PHF24: variants seen among roughly 807,000 people sequenced by gnomAD.
PHF24 encodes the protein Galpha inhibitory interacting protein.
PHF24 carries 25 observed loss-of-function variants against 42.6 expected under a neutral mutation model. The ratio of observed to expected loss-of-function variants is 0.59; its 90% CI spans 0.43 to 0.82. PHF24 has a LOEUF of 0.82. Ranked by LOEUF, PHF24 falls within the 40% of genes least tolerant of loss-of-function variation. The probability of loss-of-function intolerance (pLI) is 0.00; values close to 1 mark genes in which losing one functional copy is unlikely to be tolerated. For synonymous variants in PHF24, 185 were observed against 204.8 expected, an observed-to-expected ratio of 0.90 and a Z score of 0.83; for missense variants, 470 against 538.1, an observed-to-expected ratio of 0.87 and a Z score of 1.25.
chr9:34,701,902 T>G, the PHF24 span, among the ~76,000 whole-genome samples: 1 of 152,160 alleles, frequency 6.6e-6, no homozygotes, highest in African/African-American at 2.4e-5. This position sits in a 1 kb window ranked among gnomAD's most constrained non-coding sequence, Gnocchi z 5.8. Flanking sequence ...GAGCCCAAGG[T>G]GCCCAATGTT....
chr9:34,764,614 G>A, the PHF24 span, among the ~76,000 whole-genome samples: 35 of 151,756 alleles, frequency 2.3e-4, no homozygotes, highest in Admixed American at 2.0e-4. Context: ...TCTTGCTAGC[G>A]GTCTATCAAT....
chr9:34,825,701 G>C, the PHF24 span, among the ~76,000 whole-genome samples: 6 of 151,978 alleles, frequency 3.9e-5, no homozygotes, highest in African/African-American at 1.2e-4. Context: ...GAAGACATAA[G>C]TGTGTTTTTC....
At chr9:34,754,108 G>A in the PHF24 span, among the ~76,000 whole-genome samples, 1 of 152,034 alleles carries the variant, frequency 6.6e-6, no homozygotes, top group Non-Finnish European at 1.5e-5. Context: ...AAAATGTATG[G>A]AGTAATACTC....
At chr9:34,680,572 C>T in the PHF24 span, among the ~76,000 whole-genome samples, 5 of 147,310 alleles carry the variant, frequency 3.4e-5, no homozygotes, top group South Asian at 1.1e-3. Context: ...CCTGTAGTCC[C>T]GGCTACTTGG....
chr9:34,866,265 G>C, the PHF24 span, among the ~76,000 whole-genome samples: 1 of 152,158 alleles, frequency 6.6e-6, no homozygotes, highest in African/African-American at 2.4e-5. Flanking sequence ...CCAGCACTAA[G>C]GCAAGTTTCA....
the PHF24 span, chr9:34,725,015 G>A: frequency 6.4e-5 from 100 of 1,551,906 alleles, no homozygotes; most frequent in South Asian, 9.5e-5. Context: ...ATCAAGGGCC[G>A]TTGGCATCCA....
At chr9:34,925,385 G>A in the PHF24 span, among the ~76,000 whole-genome samples, 6 of 152,126 alleles carry the variant, frequency 3.9e-5, no homozygotes, top group South Asian at 2.1e-4. Context: ...GGACTTAAAC[G>A]TCTATTTCTC....
At chr9:34,680,261 G>A in the PHF24 span, among the ~76,000 whole-genome samples, 1 of 152,142 alleles carries the variant, frequency 6.6e-6, no homozygotes, top group South Asian at 2.1e-4. Context: ...TGAAGTCCCA[G>A]CTACTTGGGA....
intron 1 of PHF24, among the ~76,000 whole-genome samples, chr9:34,966,580 AC>A (rs35222365): frequency 2.0e-4 from 29 of 146,812 alleles, no homozygotes; most frequent in East Asian, 7.9e-4. Context: ...ATATGGCGAG[AC>A]CCCCCCCCTC....
At chr9:34,740,269 G>A in the PHF24 span, among the ~76,000 whole-genome samples, 1 of 152,242 alleles carries the variant, frequency 6.6e-6, no homozygotes, top group Non-Finnish European at 1.5e-5. Flanking sequence ...GATGGGACTG[G>A]GCGCCATGGA....
the PHF24 span, among the ~76,000 whole-genome samples, chr9:34,671,385 C>T: frequency 1.3e-3 from 201 of 152,168 alleles, no homozygotes; most frequent in Middle Eastern, 6.8e-3. Flanking sequence ...AAACAGAATC[C>T]CAGGATTAAT....
the PHF24 span, among the ~76,000 whole-genome samples, chr9:34,824,943 T>C: frequency 2.6e-5 from 4 of 152,160 alleles, no homozygotes; most frequent in Non-Finnish European, 5.9e-5. Flanking sequence ...TTCCTTCTTA[T>C]TTGAAAAACT....
the PHF24 span, among the ~76,000 whole-genome samples, chr9:34,811,273 A>G: frequency 0.32 from 49,124 of 152,102 alleles, 8,553 homozygotes; most frequent in East Asian, 0.6. Context: ...AAGAGCTACT[A>G]TGGTTTGAAT....
chr9:34,847,091 T>A, the PHF24 span, among the ~76,000 whole-genome samples: 1 of 152,190 alleles, frequency 6.6e-6, no homozygotes, highest in African/African-American at 2.4e-5. Context: ...GGGCTCTTTT[T>A]TGGTTCCATA....
At chr9:34,762,358 G>A in the PHF24 span, among the ~76,000 whole-genome samples, 1 of 150,104 alleles carries the variant, frequency 6.7e-6, no homozygotes, top group African/African-American at 2.5e-5. Flanking sequence ...TCCAGCACCT[G>A]TTGTTTCCTG....
the PHF24 span, among the ~76,000 whole-genome samples, chr9:34,920,214 A>T: frequency 2.0e-5 from 3 of 152,292 alleles, no homozygotes; most frequent in African/African-American, 7.2e-5. Flanking sequence ...ACTTGCCAGC[A>T]TTCATTATTG....
chr9:34,893,654 G>A, the PHF24 span, among the ~76,000 whole-genome samples: 1 of 152,086 alleles, frequency 6.6e-6, no homozygotes, highest in Non-Finnish European at 1.5e-5. Context: ...TGGCAAGGTG[G>A]GCTGGGCTGA....
At chr9:34,926,598 ATGCCCACCAG>A in the PHF24 span, among the ~76,000 whole-genome samples, 2 of 151,900 alleles carry the variant, frequency 1.3e-5, no homozygotes, top group Non-Finnish European at 2.9e-5. The surrounding 1 kb of genome is among the most constrained non-coding windows in gnomAD (Gnocchi z 4.3). Context: ...GCCTGCAGGT[ATGCCCACCAG>A]AGGTGGCCTG....
chr9:34,708,625 T>C, the PHF24 span, among the ~76,000 whole-genome samples: 41 of 152,320 alleles, frequency 2.7e-4, no homozygotes, highest in Middle Eastern at 6.8e-3. Flanking sequence ...GAGGGTCTCA[T>C]TGAATAGTTC....
Sources: allele counts gnomAD v4.1 joint callset (sites outside exome capture counted in the v4.1 genomes callset), GRCh38; gene constraint gnomAD v4.1.1; non-coding constraint Gnocchi (gnomAD v3.1); transcripts MANE v1.5; gene names NCBI Gene and HGNC (gene_info 2026-07-23, HGNC 2026-07-21).